Variants in NEMP2 observed in about 807,000 individuals in gnomAD.
The protein encoded by NEMP2 is UPF0571 transmembrane protein.
In NEMP2, 53 loss-of-function variants were observed where a neutral mutation model predicts 54.2. The ratio of observed to expected loss-of-function variants is 0.98; its 90% confidence interval spans 0.78 to 1.23. The LOEUF (loss-of-function observed/expected upper bound fraction) is 1.23, where lower values mean the gene tolerates loss of function less well. NEMP2 is among the 50% of genes most tolerant of loss of function. The probability of loss-of-function intolerance (pLI) is 0.00; values close to 1 mark genes in which losing one functional copy is unlikely to be tolerated. For synonymous variants in NEMP2, 197 were observed against 190.3 expected (o/e 1.04, Z -0.29); for missense variants, 455 against 511.3 (o/e 0.89, Z 1.06).
chr2:190,533,045 C>T lies in NEMP2; in HGVS notation c.97+1514G>A, dbSNP rs1269404930. ...AGAGAAGCAGGCTGTTACTATTATA[C>T]TAAATGCGGTAACATAAAAACTTTA... is the stretch of plus-strand genomic sequence containing the variant. On this transcript the variant is annotated intron_variant, in intron 1 of 8. Transcript: ENST00000409150. This position sits in a 1 kb window ranked among gnomAD's most constrained non-coding sequence, Gnocchi z 4.3. Among the ~76,000 whole-genome samples the T allele has an allele frequency of 6.6e-6, 1 of 152,200 alleles. No homozygotes were observed. Among genetic ancestry groups the T allele is most frequent in the African/African-American group, 2.4e-5 (1 of 41,446 alleles).
In NEMP2 at chr2:190,512,465, G is replaced by A. The variant is rs10171376; in HGVS notation, c.954-1928C>T. Among the ~76,000 whole-genome samples the A allele has an allele frequency of 0.15, 22,267 of 152,182 alleles. 1,854 individuals carry two copies. Among genetic ancestry groups the A allele is most frequent in the Middle Eastern group, 0.22 (64 of 294 alleles). On this transcript the variant is annotated intron_variant, in intron 7 of 8. Transcript: ENST00000409150. This position sits in a 1 kb window ranked among gnomAD's most constrained non-coding sequence, Gnocchi z 4.5. ...AAAATAAAGGTATTATTTCTCTGGT[G>A]TGTTATTTAACCTATAAGTTCCTGT...
rs1574317079 is a variant in NEMP2, at chr2:190,529,965, A to C, written c.98-4587T>G. Among the ~76,000 whole-genome samples the C allele has an allele frequency of 6.6e-6, 1 of 152,334 alleles. No homozygotes were observed. The highest frequency in any genetic ancestry group is 2.1e-4 in the South Asian group (1 of 4,830). On this transcript the variant is annotated intron_variant, in intron 1 of 8. Coordinates refer to ENST00000409150, the MANE Select transcript of NEMP2 (RefSeq NM_001142645.2). This position sits in a 1 kb window ranked among gnomAD's most constrained non-coding sequence, Gnocchi z 4.7. ...TACATCCATAGCTAGAGGGTTGAGT[A>C]CTGTAACCCTTAACATCCTCTGGAC...
upstream of NEMP2, among the ~76,000 whole-genome samples, chr2:190,537,620 G>A (rs886838641): frequency 6.6e-6 from 1 of 152,144 alleles, no homozygotes; most frequent in Non-Finnish European, 1.5e-5. Flanking sequence ...TTGAACTTGA[G>A]AGATGATTTA....
chr2:190,524,783 C>G (rs1286991458), intron 2 of NEMP2, among the ~76,000 whole-genome samples: 1 of 152,114 alleles, frequency 6.6e-6, no homozygotes, highest in Middle Eastern at 3.2e-3. Context: ...ACTGATGTAT[C>G]CTAGGAGCCT....
At chr2:190,535,776 A>T (rs1691356264), upstream of NEMP2, 2 of 152,144 alleles carry the variant, frequency 1.3e-5, no homozygotes, top group South Asian at 4.1e-4. Flanking sequence ...CTTGTAAGGG[A>T]CTCTTCAGAG....
At chr2:190,593,789 T>A in the NEMP2 span, among the ~76,000 whole-genome samples, 1 of 152,198 alleles carries the variant, frequency 6.6e-6, no homozygotes, top group Non-Finnish European at 1.5e-5. The surrounding 1 kb of genome is among the most constrained non-coding windows in gnomAD (Gnocchi z 4.5). Flanking sequence ...TTGGGAGGTA[T>A]TTTTCCAATT....
the NEMP2 span, among the ~76,000 whole-genome samples, chr2:190,427,129 C>T: frequency 2.0e-5 from 3 of 152,242 alleles, no homozygotes; most frequent in Non-Finnish European, 2.9e-5. Context: ...CTCCTGACAT[C>T]ACCCCAGTGG....
the NEMP2 span, among the ~76,000 whole-genome samples, chr2:190,585,844 G>T: frequency 6.6e-6 from 1 of 152,166 alleles, no homozygotes; most frequent in Non-Finnish European, 1.5e-5. The surrounding 1 kb of genome is among the most constrained non-coding windows in gnomAD (Gnocchi z 5.3). Context: ...TCATCAGGCT[G>T]TTGGGCTCTA....
the NEMP2 span, among the ~76,000 whole-genome samples, chr2:190,553,997 G>A: frequency 6.6e-6 from 1 of 152,158 alleles, no homozygotes; most frequent in African/African-American, 2.4e-5. Flanking sequence ...TGGGCAGTGG[G>A]TGCAGCCCAA....
the NEMP2 span, chr2:190,616,813 A>G: frequency 6.6e-6 from 1 of 152,072 alleles, no homozygotes; most frequent in African/African-American, 2.4e-5. The surrounding 1 kb of genome is among the most constrained non-coding windows in gnomAD (Gnocchi z 5.1). Context: ...TTTTCCCGAA[A>G]AAAAGAATAT....
the NEMP2 span, among the ~76,000 whole-genome samples, chr2:190,492,282 A>C: frequency 2.6e-5 from 4 of 152,360 alleles, no homozygotes; most frequent in East Asian, 7.7e-4. This position sits in a 1 kb window ranked among gnomAD's most constrained non-coding sequence, Gnocchi z 5.2. Flanking sequence ...ATCCAAATAC[A>C]AGAATCCCAA....
chr2:190,628,733 G>C, the NEMP2 span: 2 of 152,138 alleles, frequency 1.3e-5, no homozygotes, highest in Admixed American at 6.5e-5. This position sits in a 1 kb window ranked among gnomAD's most constrained non-coding sequence, Gnocchi z 4.1. Flanking sequence ...CAGTGAAAGA[G>C]AGAGAGAAAG....
chr2:190,488,730 A>G, the NEMP2 span: 3 of 1,610,212 alleles, frequency 1.9e-6, no homozygotes, highest in Non-Finnish European at 2.5e-6. The surrounding 1 kb of genome is among the most constrained non-coding windows in gnomAD (Gnocchi z 6.4). Context: ...AGCTGAGGAC[A>G]TCTGCTCAGG....
the NEMP2 span, among the ~76,000 whole-genome samples, chr2:190,434,471 C>T: frequency 6.6e-6 from 1 of 152,152 alleles, no homozygotes; most frequent in Non-Finnish European, 1.5e-5. The surrounding 1 kb of genome is among the most constrained non-coding windows in gnomAD (Gnocchi z 4.3). Flanking sequence ...GAGTCTCGCT[C>T]TGTTGCCAGG....
the NEMP2 span, among the ~76,000 whole-genome samples, chr2:190,574,639 C>A: frequency 6.6e-6 from 1 of 152,194 alleles, no homozygotes; most frequent in South Asian, 2.1e-4. Context: ...CATCACCTGA[C>A]CTGTCCCCCA....
Position 190,525,868 on chromosome 2 carries a change from A to G in NEMP2, c.98-490T>C, listed in dbSNP as rs750709514. Among the ~76,000 whole-genome samples, 3 of 152,208 alleles carry G rather than the reference A, an allele frequency of 2.0e-5. No homozygotes were observed. The highest frequency in any genetic ancestry group is 2.9e-5 in the Non-Finnish European group (2 of 68,032). On this transcript the variant is annotated intron_variant, in intron 1 of 8. Transcript: ENST00000409150. This position sits in a 1 kb window ranked among gnomAD's most constrained non-coding sequence, Gnocchi z 5.0. ...CATGGATGGAAGGTATAGGGATACA[A>G]GAAGACATTTGAACACCTGTAGCTG...
chr2:190,478,717 G>A, the NEMP2 span, among the ~76,000 whole-genome samples: 1 of 152,082 alleles, frequency 6.6e-6, no homozygotes, highest in African/African-American at 2.4e-5. Context: ...GACCTAGTCT[G>A]GGGAAGGGGA....
the NEMP2 span, among the ~76,000 whole-genome samples, chr2:190,547,774 G>A: frequency 6.6e-6 from 1 of 152,186 alleles, no homozygotes; most frequent in Non-Finnish European, 1.5e-5. The surrounding 1 kb of genome is among the most constrained non-coding windows in gnomAD (Gnocchi z 6.2). Context: ...GACCTCAGGT[G>A]ATCCGCCCAC....
At chr2:190,499,695 A>G (rs1017178424), downstream of NEMP2, 3 of 956,344 alleles carry the variant, frequency 3.1e-6, no homozygotes, top group Non-Finnish European at 4.3e-6. The surrounding 1 kb of genome is among the most constrained non-coding windows in gnomAD (Gnocchi z 6.0). Context: ...GACTTGCCAC[A>G]TGGCTTGGGG....
Sources: gnomAD v4.1 joint callset for allele counts (sites outside exome capture counted in the v4.1 genomes callset) on GRCh38, gnomAD v4.1.1 for gene constraint, Gnocchi (gnomAD v3.1) non-coding constraint, MANE v1.5 for transcripts, NCBI Gene and HGNC (gene_info 2026-07-23, HGNC 2026-07-21) for gene names.